PIBF1: variants seen among roughly 807,000 people sequenced by gnomAD.
PIBF1 encodes the protein progesterone immunomodulatory binding factor 1.
PIBF1 carries 90 observed loss-of-function variants against 112.5 expected under a neutral mutation model. The ratio of observed to expected loss-of-function variants is 0.80; its 90% CI spans 0.67 to 0.95. The LOEUF is 0.95. Among genes scored for constraint, PIBF1 ranks in the 40% least tolerant of loss-of-function variants. The pLI, the probability that PIBF1 is intolerant of heterozygous loss-of-function variation, is 0.00. For synonymous variants in PIBF1, 301 were observed against 288.6 expected (o/e 1.04, Z -0.44); for missense variants, 915 against 852.3 (o/e 1.07, Z -0.92).
chr13:72,805,543 CATACTT>C (rs955169343), intron 5 of PIBF1, among the ~76,000 whole-genome samples: 4 of 152,136 alleles, frequency 2.6e-5, no homozygotes, highest in Non-Finnish European at 5.9e-5. Context: ...TTCTTCAACT[CATACTT>C]ATTTAAGGTT....
intron 14 of PIBF1, among the ~76,000 whole-genome samples, chr13:72,948,950 A>T (rs562445369): frequency 6.6e-6 from 1 of 152,340 alleles, no homozygotes; most frequent in East Asian, 1.9e-4. Context: ...ACTACAGTTG[A>T]GGATGAACTT....
intron 14 of PIBF1, among the ~76,000 whole-genome samples, chr13:72,931,558 G>A (rs1368257833): frequency 6.6e-6 from 1 of 151,786 alleles, no homozygotes; most frequent in African/African-American, 2.4e-5. Flanking sequence ...GCAAACTTTG[G>A]TGACATTTTA....
At chr13:72,785,282 G>A (rs1396500324) in intron 2 of PIBF1, among the ~76,000 whole-genome samples, 2 of 152,068 alleles carry the variant, frequency 1.3e-5, no homozygotes. Context: ...TATGGCCATC[G>A]GACTGAATTT....
intron 9 of PIBF1, among the ~76,000 whole-genome samples, chr13:72,853,537 C>T (rs1026084273): frequency 6.6e-6 from 1 of 152,162 alleles, no homozygotes; most frequent in African/African-American, 2.4e-5. Flanking sequence ...AATTCTTTGT[C>T]CCTTCTACTT....
intron 9 of PIBF1, among the ~76,000 whole-genome samples, chr13:72,849,299 A>G (rs2038022565): frequency 2.0e-5 from 3 of 152,218 alleles, no homozygotes; most frequent in African/African-American, 2.4e-5. Flanking sequence ...TTTCTTTGTT[A>G]TAATTACATT....
chr13:72,995,444 C>G (rs2043619249), intron 16 of PIBF1, among the ~76,000 whole-genome samples: 3 of 151,950 alleles, frequency 2.0e-5, no homozygotes, highest in Non-Finnish European at 2.9e-5. Context: ...CATAAATAGA[C>G]AGACTGTAGA....
intron 15 of PIBF1, among the ~76,000 whole-genome samples, chr13:72,972,663 C>CA (rs35656003): frequency 0.31 from 41,500 of 135,004 alleles, 6,822 homozygotes; most frequent in East Asian, 0.5. Context: ...GACTCCGTCT[C>CA]AAAAAAAAAA....
At chr13:72,855,648 CA>C (rs1490610098) in intron 10 of PIBF1, among the ~76,000 whole-genome samples, 4 of 150,518 alleles carry the variant, frequency 2.7e-5, no homozygotes, top group East Asian at 2.0e-4. Flanking sequence ...GACTCTGTCT[CA>C]AAAAAAATTT....
At chr13:72,815,306 T>C (rs1371906665) in intron 5 of PIBF1, among the ~76,000 whole-genome samples, 1 of 152,206 alleles carries the variant, frequency 6.6e-6, no homozygotes, top group Non-Finnish European at 1.5e-5. Context: ...GGAGAATAGC[T>C]TCATGAACAC....
chr13:72,903,413 A>G (rs998753733), intron 11 of PIBF1, among the ~76,000 whole-genome samples: 1 of 152,180 alleles, frequency 6.6e-6, no homozygotes, highest in Admixed American at 6.5e-5. Flanking sequence ...CAGTTACACA[A>G]ATTTTAAGAA....
Position 72,939,090 on chromosome 13 carries a change from G to A in PIBF1, c.1833+7823G>A, listed in dbSNP as rs74743087. On this transcript the variant is annotated intron_variant, in intron 14 of 17. Coordinates refer to ENST00000326291, the MANE Select transcript of PIBF1 (RefSeq NM_006346.4). The stretch of plus-strand genomic sequence containing the variant: ...GACCTTTATCCAATACATGATTTGC[G>A]AATATTTTCTCCCATTCTGTGTGGG... Among the ~76,000 whole-genome samples the A allele has an allele frequency of 6.4e-3, 970 of 152,172 alleles. 12 individuals are homozygous for A. The highest frequency in any genetic ancestry group is 0.022 in the African/African-American group (898 of 41,530).
chr13:72,987,936 C>T (rs1342197602), intron 16 of PIBF1, among the ~76,000 whole-genome samples: 3 of 130,314 alleles, frequency 2.3e-5, no homozygotes, highest in Non-Finnish European at 3.1e-5. Context: ...GATCTCGGCT[C>T]ACTGCAACCT....
At chr13:72,904,423 C>CA (rs1460617397) in intron 11 of PIBF1, among the ~76,000 whole-genome samples, 2 of 65,984 alleles carry the variant, frequency 3.0e-5, no homozygotes, top group Non-Finnish European at 5.8e-5. Flanking sequence ...TCCAAAATAT[C>CA]AAAATATTTC....
At chr13:72,814,773 C>T (rs143088770) in intron 5 of PIBF1, among the ~76,000 whole-genome samples, 83 of 151,982 alleles carry the variant, frequency 5.5e-4, no homozygotes, top group Admixed American at 1.2e-3. Context: ...ATGTAGTACT[C>T]ATCTTGAGAA....
intron 5 of PIBF1, among the ~76,000 whole-genome samples, chr13:72,807,804 G>A (rs978566344): frequency 6.6e-6 from 1 of 152,146 alleles, no homozygotes; most frequent in Non-Finnish European, 1.5e-5. Flanking sequence ...ACCTGCCCCA[G>A]AGTGTAATTT....
chr13:72,794,290 G>A (rs1181641534), intron 3 of PIBF1, among the ~76,000 whole-genome samples: 1 of 152,152 alleles, frequency 6.6e-6, no homozygotes, highest in Non-Finnish European at 1.5e-5. Context: ...AAAGGATTTG[G>A]AGACAATAAT....
intron 6 of PIBF1, among the ~76,000 whole-genome samples, chr13:72,825,178 A>AG (rs1488786049): frequency 2.0e-5 from 3 of 152,246 alleles, no homozygotes; most frequent in Non-Finnish European, 2.9e-5. Flanking sequence ...GCCTTGGCTC[A>AG]GGGAAAAAAA....
intron 12 of PIBF1, among the ~76,000 whole-genome samples, chr13:72,915,706 A>G (rs1319518001): frequency 1.3e-5 from 2 of 152,156 alleles, no homozygotes. Flanking sequence ...GGCATGTATC[A>G]TCTCTTCCAT....
At chr13:72,863,805 T>A (rs79901238) in intron 10 of PIBF1, among the ~76,000 whole-genome samples, 3,336 of 152,310 alleles carry the variant, frequency 0.022, 134 homozygotes, top group African/African-American at 0.076. Context: ...TGACACTATG[T>A]ACACAATAAA....
Sources: allele counts gnomAD v4.1 joint callset (sites outside exome capture counted in the v4.1 genomes callset), GRCh38; gene constraint gnomAD v4.1.1; transcripts MANE v1.5; gene names NCBI Gene and HGNC (gene_info 2026-07-23, HGNC 2026-07-21).